Variants in PDE8A observed in about 807,000 individuals in gnomAD.
PDE8A encodes the protein high affinity cAMP-specific and IBMX-insensitive 3',5'-cyclic phosphodiesterase 8A.
Under a neutral mutation model 105.0 loss-of-function variants are expected in PDE8A, and 59 were observed. The ratio of observed to expected loss-of-function variants is 0.56; its 90% CI spans 0.46 to 0.70. The LOEUF (loss-of-function observed/expected upper bound fraction) is 0.70, where lower values mean the gene tolerates loss of function less well. Among genes scored for constraint, PDE8A ranks in the 30% least tolerant of loss-of-function variants. The probability of loss-of-function intolerance (pLI) is 0.00; values close to 1 mark genes in which losing one functional copy is unlikely to be tolerated. For synonymous variants in PDE8A, 355 were observed against 371.9 expected, an observed-to-expected ratio of 0.95 and a Z score of 0.52; for missense variants, 1,014 against 1,045.9, an observed-to-expected ratio of 0.97 and a Z score of 0.42.
intron 13 of PDE8A, 71 bp from the exon 14 acceptor site, chr15:85,113,802 G>A (rs923637131): frequency 8.4e-6 from 10 of 1,195,828 alleles, no homozygotes; most frequent in South Asian, 1.4e-5. Flanking sequence ...TTACAGACAC[G>A]TACTGCCATG....
chr15:84,995,800 G>T (rs1370134744), intron 1 of PDE8A, among the ~76,000 whole-genome samples: 1 of 152,152 alleles, frequency 6.6e-6, no homozygotes, highest in Non-Finnish European at 1.5e-5. Flanking sequence ...TCCCTGAGTG[G>T]CTGGGATTAT....
intron 1 of PDE8A, among the ~76,000 whole-genome samples, chr15:84,998,476 C>T (rs2080014653): frequency 6.6e-6 from 1 of 152,190 alleles, no homozygotes; most frequent in Admixed American, 6.5e-5. Context: ...ACTTGGATGT[C>T]ATTAGAGGAG....
chr15:85,039,070 G>A (rs923446224), intron 1 of PDE8A, among the ~76,000 whole-genome samples: 7 of 151,534 alleles, frequency 4.6e-5, no homozygotes, highest in African/African-American at 7.3e-5. Flanking sequence ...GCAGTGAGCC[G>A]AGATTGTGCC....
At chr15:84,990,728 C>T (rs1024871367) in intron 1 of PDE8A, among the ~76,000 whole-genome samples, 5 of 152,192 alleles carry the variant, frequency 3.3e-5, no homozygotes, top group African/African-American at 1.2e-4. Context: ...TGCTTTCATT[C>T]CCCTTGGTTA....
intron 11 of PDE8A, among the ~76,000 whole-genome samples, chr15:85,103,596 T>C (rs900422890): frequency 3.3e-5 from 5 of 152,218 alleles, no homozygotes; most frequent in African/African-American, 9.6e-5. Flanking sequence ...AGGAGTTTTT[T>C]CTGGAAGGAA....
intron 3 of PDE8A, among the ~76,000 whole-genome samples, chr15:85,075,396 C>T (rs1265944760): frequency 1.3e-5 from 2 of 152,226 alleles, no homozygotes; most frequent in Non-Finnish European, 2.9e-5. Flanking sequence ...TACCTAGTAA[C>T]TCTTCATCCT....
At chr15:85,133,132 A>G (rs1050934650) in intron 20 of PDE8A, among the ~76,000 whole-genome samples, 5 of 152,170 alleles carry the variant, frequency 3.3e-5, no homozygotes, top group Admixed American at 2.6e-4. Context: ...CTGGGTCTGC[A>G]TATACATACT....
At chr15:85,047,234 T>G (rs1475159941) in intron 1 of PDE8A, among the ~76,000 whole-genome samples, 1 of 152,176 alleles carries the variant, frequency 6.6e-6, no homozygotes, top group Admixed American at 6.5e-5. Context: ...CTTAGGTCAG[T>G]TTGATTATGA....
chr15:85,129,712 T>C (rs1375393289), intron 20 of PDE8A, among the ~76,000 whole-genome samples: 3 of 152,326 alleles, frequency 2.0e-5, no homozygotes, highest in East Asian at 3.9e-4. Flanking sequence ...TTCTTTATTA[T>C]TTCCTTCCTT....
intron 1 of PDE8A, among the ~76,000 whole-genome samples, chr15:84,997,536 G>T (rs6496586): frequency 1.3e-5 from 2 of 151,730 alleles, no homozygotes; most frequent in African/African-American, 2.4e-5. Flanking sequence ...CCATTTTCCC[G>T]TTTTATTAAT....
chr15:85,021,161 A>G (rs2080419718), intron 1 of PDE8A, among the ~76,000 whole-genome samples: 1 of 152,232 alleles, frequency 6.6e-6, no homozygotes, highest in Non-Finnish European at 1.5e-5. Flanking sequence ...AACACATAGC[A>G]GGTGCCATCT....
intron 17 of PDE8A, among the ~76,000 whole-genome samples, chr15:85,118,473 A>G (rs2082130534): frequency 6.6e-6 from 1 of 152,142 alleles, no homozygotes; most frequent in African/African-American, 2.4e-5. Context: ...GTTCCAAACT[A>G]GAATTCTTGC....
chr15:85,139,130 T>C lies in PDE8A; in HGVS notation c.*1227T>C, dbSNP rs1037874209. 6.6e-6 allele frequency: 1 copy of C among 152,328 alleles called. No homozygotes were observed. The highest frequency in any genetic ancestry group is 1.9e-4 in the East Asian group (1 of 5,186). The allele number at this position is 152,328 out of a possible 1,614,324, so 9.4% of individuals were successfully genotyped here. A position where few individuals can be genotyped will look rare whatever the true frequency, so the allele number is the denominator to read the frequency against. ...CAGATAAAAATGAAATTAAACCATT[T>C]CTTTTTAAGAAATCATGTTTTATCA... On this transcript the variant is annotated 3_prime_UTR_variant, in exon 22 of 22. Transcript: ENST00000394553.
intron 16 of PDE8A, chr15:85,116,386 G>A: frequency 4.6e-6 from 2 of 437,520 alleles, no homozygotes; most frequent in Admixed American, 3.6e-5. Flanking sequence ...TGAAATAAAG[G>A]TATTTCTCCT....
chr15:85,088,400 C>T (rs906210215), intron 6 of PDE8A, among the ~76,000 whole-genome samples: 2 of 152,210 alleles, frequency 1.3e-5, no homozygotes, highest in African/African-American at 2.4e-5. Flanking sequence ...GACTGGCTTA[C>T]GGTTTTCAAG....
At chr15:85,065,138 C>T (rs955869104) in intron 2 of PDE8A, among the ~76,000 whole-genome samples, 4 of 152,022 alleles carry the variant, frequency 2.6e-5, no homozygotes, top group Non-Finnish European at 4.4e-5. Context: ...TTTTCATTCA[C>T]GTTTCTGTAG....
intron 1 of PDE8A, among the ~76,000 whole-genome samples, chr15:85,049,033 T>C (rs1357303429): frequency 6.6e-6 from 1 of 152,074 alleles, no homozygotes; most frequent in Non-Finnish European, 1.5e-5. Flanking sequence ...ATCTGGGAAG[T>C]GGAGGTTGCA....
intron 1 of PDE8A, among the ~76,000 whole-genome samples, chr15:84,989,725 C>T (rs927607732): frequency 2.0e-5 from 3 of 152,182 alleles, no homozygotes; most frequent in African/African-American, 2.4e-5. Context: ...AAGACACTAT[C>T]GCATGTAAGG....
intron 1 of PDE8A, among the ~76,000 whole-genome samples, chr15:84,984,996 ACTAAG>A (rs368723504): frequency 1.6e-4 from 25 of 152,150 alleles, no homozygotes; most frequent in African/African-American, 3.6e-4. Flanking sequence ...ACTGGCTCAG[ACTAAG>A]TTCAACAGAG....
Sources: allele counts gnomAD v4.1 joint callset (sites outside exome capture counted in the v4.1 genomes callset), GRCh38; gene constraint gnomAD v4.1.1; transcripts MANE v1.5; gene names NCBI Gene and HGNC (gene_info 2026-07-23, HGNC 2026-07-21).